Variants in MRRF observed in about 807,000 individuals in gnomAD.
MRRF encodes mitochondrial ribosome recycling factor, also known as ribosome-recycling factor, mitochondrial.
MRRF carries 18 observed loss-of-function variants against 25.1 expected under a neutral mutation model. The ratio of observed to expected loss-of-function variants is 0.72; its 90% CI spans 0.50 to 1.06. The LOEUF is 1.06. MRRF is among the 50% of genes least tolerant of loss of function. MRRF has a pLI of 0.00. For synonymous variants in MRRF, 113 were observed against 112.1 expected, an observed-to-expected ratio of 1.01 and a Z score of -0.05; for missense variants, 323 against 319.3, an observed-to-expected ratio of 1.01 and a Z score of -0.09.
At chr9:122,284,687 A>G (rs534747145) in intron 3 of MRRF, among the ~76,000 whole-genome samples, 7 of 152,316 alleles carry the variant, frequency 4.6e-5, no homozygotes, top group Admixed American at 4.6e-4. Flanking sequence ...AGTTCTGTCA[A>G]CATTTCAAGC....
intron 5 of MRRF, among the ~76,000 whole-genome samples, chr9:122,305,819 G>C (rs1349156317): frequency 6.6e-6 from 1 of 152,228 alleles, no homozygotes; most frequent in African/African-American, 2.4e-5. Context: ...GAGAGGAAGA[G>C]CTTTGTCAGT....
chr9:122,289,600 T>G (rs773526203), intron 4 of MRRF, among the ~76,000 whole-genome samples: 5 of 152,130 alleles, frequency 3.3e-5, no homozygotes, highest in South Asian at 4.1e-4. Flanking sequence ...AGAATCTGTT[T>G]TTTTTTTTTT....
chr9:122,312,353 G>A (rs1388730355), intron 5 of MRRF, among the ~76,000 whole-genome samples: 17 of 152,198 alleles, frequency 1.1e-4, no homozygotes, highest in Non-Finnish European at 2.9e-5. Context: ...CCTTCAAATA[G>A]CTGAATCCAA....
intron 1 of MRRF, among the ~76,000 whole-genome samples, chr9:122,269,230 TGTTA>T (rs973785203): frequency 6.6e-6 from 1 of 151,890 alleles, no homozygotes; most frequent in Non-Finnish European, 1.5e-5. Flanking sequence ...CCTGGCACTA[TGTTA>T]GTTGTTTACA....
chr9:122,294,618 T>C (rs1833972228), intron 5 of MRRF, among the ~76,000 whole-genome samples: 1 of 152,208 alleles, frequency 6.6e-6, no homozygotes, highest in Admixed American at 6.5e-5. Context: ...ATCTGTTCTT[T>C]ATTATAGAGG....
At chr9:122,314,078 T>C (rs548647730) in intron 6 of MRRF, among the ~76,000 whole-genome samples, 121 of 152,302 alleles carry the variant, frequency 7.9e-4, no homozygotes, top group African/African-American at 2.8e-3. Context: ...CTGTCCCACA[T>C]TGGCTGTGCA....
intron 3 of MRRF, among the ~76,000 whole-genome samples, chr9:122,282,684 G>A (rs997446492): frequency 2.0e-5 from 3 of 152,186 alleles, no homozygotes; most frequent in Non-Finnish European, 4.4e-5. Context: ...ATACATTATA[G>A]AAAGCATTTA....
intron 2 of MRRF, among the ~76,000 whole-genome samples, chr9:122,278,861 T>C (rs1225679691): frequency 6.6e-6 from 1 of 152,150 alleles, no homozygotes; most frequent in Non-Finnish European, 1.5e-5. Flanking sequence ...TTGAAACTTG[T>C]GTTTCTCAAT....
At chr9:122,298,219 G>A (rs1048878359) in intron 5 of MRRF, among the ~76,000 whole-genome samples, 11 of 152,100 alleles carry the variant, frequency 7.2e-5, no homozygotes. Flanking sequence ...TTGTAGCAAA[G>A]GACAGCAATT....
intron 6 of MRRF, among the ~76,000 whole-genome samples, chr9:122,319,051 G>C (rs1211607028): frequency 6.6e-6 from 1 of 152,060 alleles, no homozygotes; most frequent in Admixed American, 6.6e-5. Context: ...GCCAGGTGCT[G>C]TGGGACCCCT....
chr9:122,283,883 T>G (rs1233081397), intron 3 of MRRF, among the ~76,000 whole-genome samples: 2 of 152,210 alleles, frequency 1.3e-5, no homozygotes, highest in African/African-American at 4.8e-5. Context: ...CTTCTTGCCA[T>G]TTTTGAAAAT....
Position 122,317,067 on chromosome 9 carries a change from A to AATATATATATATAT in MRRF, c.711+3689_711+3702dup, listed in dbSNP as rs71847269. 5.3e-3 allele frequency among the ~76,000 whole-genome samples: 768 copies of AATATATATATATAT among 145,400 alleles called. 5 individuals are homozygous for AATATATATATATAT. The highest frequency in any genetic ancestry group is 0.01 in the Middle Eastern group (3 of 288). ...ACTTCTTTGTTATAAGGTTGCAGTGAATATATATATATATATATATAAATC... is the reference window on the plus strand; with the variant it reads ...ACTTCTTTGTTATAAGGTTGCAGTGAATATATATATATATATATATATATATATATATATAAATC... On this transcript the variant is annotated intron_variant, in intron 6 of 6. Coordinates refer to ENST00000344641, the MANE Select transcript of MRRF (RefSeq NM_138777.5).
chr9:122,288,785 T>A (rs1171518826), intron 4 of MRRF, among the ~76,000 whole-genome samples: 1 of 152,374 alleles, frequency 6.6e-6, no homozygotes, highest in South Asian at 2.1e-4. Context: ...TTTTTGTTGT[T>A]GTTGCTATTT....
chr9:122,280,021 T>C lies in MRRF; in HGVS notation c.185-422T>C, dbSNP rs73663062. Among the ~76,000 whole-genome samples the C allele has an allele frequency of 5.1e-3, 772 of 152,340 alleles. 5 individuals carry two copies. Among genetic ancestry groups the C allele is most frequent in the African/African-American group, 0.018 (729 of 41,586 alleles). On this transcript the variant is annotated intron_variant, in intron 2 of 6. Coordinates refer to ENST00000344641, the MANE Select transcript of MRRF (RefSeq NM_138777.5). ...ATCTTCTGTTTACTTTTCTGAAAAGTAAGGGATTAATTTAGTTATGGATTC... is the reference window on the plus strand; with the variant it reads ...ATCTTCTGTTTACTTTTCTGAAAAGCAAGGGATTAATTTAGTTATGGATTC...
At chr9:122,285,515 C>T (rs553021114) in intron 4 of MRRF, 3 of 508,014 alleles carry the variant, frequency 5.9e-6, no homozygotes, top group South Asian at 4.0e-5. Flanking sequence ...AAACGGGTCC[C>T]ATCTAAGAAA....
intron 4 of MRRF, among the ~76,000 whole-genome samples, chr9:122,290,828 G>A (rs1833715009): frequency 6.6e-6 from 1 of 152,178 alleles, no homozygotes; most frequent in Non-Finnish European, 1.5e-5. Flanking sequence ...GGAAATGGGT[G>A]TGCCAGTGTG....
intron 2 of MRRF, among the ~76,000 whole-genome samples, chr9:122,273,285 T>C (rs1252152914): frequency 6.6e-6 from 1 of 151,954 alleles, no homozygotes; most frequent in Non-Finnish European, 1.5e-5. Flanking sequence ...GCCCTGTCTC[T>C]ACAAAAATTA....
Position 122,285,149 on chromosome 9 carries a change from C to T in MRRF, c.341-20C>T. ...ACTAAGGTTCTTTGGAATTCTAAAA[C>T]TCTGTAATTTTTCTTTTAGGATCCC... On this transcript the variant is annotated intron_variant, in intron 3 of 6. Coordinates refer to ENST00000344641, the MANE Select transcript of MRRF (RefSeq NM_138777.5). 3 of 1,502,858 alleles carry T rather than the reference C, an allele frequency of 2.0e-6. No homozygotes were observed. Among genetic ancestry groups the T allele is most frequent in the East Asian group, 2.3e-5 (1 of 44,328 alleles). 93.1% of individuals were successfully genotyped at this position (1,502,858 alleles called of 1,614,324 possible).
chr9:122,322,213 A>T (rs1396381702), intron 6 of MRRF, among the ~76,000 whole-genome samples: 2 of 152,066 alleles, frequency 1.3e-5, no homozygotes, highest in Non-Finnish European at 2.9e-5. Flanking sequence ...ACAAAAAAAA[A>T]TTAGCCGGGC....
Sources: gnomAD v4.1 joint callset for allele counts (sites outside exome capture counted in the v4.1 genomes callset) on GRCh38, gnomAD v4.1.1 for gene constraint, MANE v1.5 for transcripts, NCBI Gene and HGNC (gene_info 2026-07-23, HGNC 2026-07-21) for gene names.